RANBP2: variants seen among roughly 807,000 people sequenced by gnomAD.
The protein encoded by RANBP2 is E3 SUMO-protein ligase RanBP2.
Under a neutral mutation model 303.6 loss-of-function variants are expected in RANBP2, and 57 were observed. The ratio of observed to expected loss-of-function variants is 0.19; its 90% CI spans 0.15 to 0.23. The LOEUF (loss-of-function observed/expected upper bound fraction) is 0.23, where lower values mean the gene tolerates loss of function less well. Ranked by LOEUF, RANBP2 falls within the 10% of genes least tolerant of loss-of-function variation. The pLI, the probability that RANBP2 is intolerant of heterozygous loss-of-function variation, is 1.00. For missense variants in RANBP2, 3,138 were observed against 3,780.8 expected (o/e 0.83, Z 4.46); for synonymous variants, 1,167 against 1,301.5 (o/e 0.90, Z 2.23).
At chr2:109,049,957 G>T in the RANBP2 span, among the ~76,000 whole-genome samples, 1 of 152,152 alleles carries the variant, frequency 6.6e-6, no homozygotes, top group Non-Finnish European at 1.5e-5. Flanking sequence ...TCAGCTGCTG[G>T]CTGTGTCCAC....
the RANBP2 span, among the ~76,000 whole-genome samples, chr2:109,346,304 G>C: frequency 6.6e-6 from 1 of 152,154 alleles, no homozygotes; most frequent in East Asian, 1.9e-4. Flanking sequence ...GTTTGACGTT[G>C]CTGAAACATA....
At chr2:109,584,638 T>C in the RANBP2 span, among the ~76,000 whole-genome samples, 2,576 of 152,138 alleles carry the variant, frequency 0.017, 34 homozygotes, top group Non-Finnish European at 0.03. Context: ...TTAAAACAAA[T>C]AGAGACACAA....
At chr2:109,580,558 C>T in the RANBP2 span, among the ~76,000 whole-genome samples, 1 of 151,938 alleles carries the variant, frequency 6.6e-6, no homozygotes, top group South Asian at 2.1e-4. Context: ...GGGATGGTGC[C>T]CACTACCATC....
the RANBP2 span, among the ~76,000 whole-genome samples, chr2:109,287,873 CT>C: frequency 1.3e-5 from 2 of 152,252 alleles, no homozygotes. Context: ...TATAGTTTTT[CT>C]TTTGCTAACT....
intron 7 of RANBP2, among the ~76,000 whole-genome samples, chr2:108,741,740 C>G (rs1696112640): frequency 6.8e-6 from 1 of 147,210 alleles, no homozygotes; most frequent in South Asian, 2.2e-4. Context: ...TCTCAATCTC[C>G]TGACCTAGTC....
chr2:109,617,482 CTGTT>C, the RANBP2 span: 5 of 167,172 alleles, frequency 3.0e-5, no homozygotes, highest in South Asian at 4.1e-4. Context: ...CATATTAAAT[CTGTT>C]TGTTATAAGA....
At chr2:109,382,146 G>A in the RANBP2 span, among the ~76,000 whole-genome samples, 1 of 152,220 alleles carries the variant, frequency 6.6e-6, no homozygotes, top group Non-Finnish European at 1.5e-5. Flanking sequence ...AGAGGGGTCT[G>A]ATAGCACCTA....
chr2:109,619,601 G>A, the RANBP2 span, among the ~76,000 whole-genome samples: 2 of 151,940 alleles, frequency 1.3e-5, no homozygotes, highest in African/African-American at 2.4e-5. Flanking sequence ...TGGCTGCTGG[G>A]GTTATTCTTG....
the RANBP2 span, among the ~76,000 whole-genome samples, chr2:109,573,117 G>A: frequency 6.6e-6 from 1 of 152,026 alleles, no homozygotes; most frequent in Non-Finnish European, 1.5e-5. Context: ...CTATTTACAT[G>A]GATCAATTTA....
At chr2:109,129,568 G>GC in the RANBP2 span, 1 of 1,487,138 alleles carries the variant, frequency 6.7e-7, no homozygotes. Flanking sequence ...CTGGCTGTGC[G>GC]CATCCAAGGC....
At chr2:109,331,226 G>A in the RANBP2 span, among the ~76,000 whole-genome samples, 30 of 152,122 alleles carry the variant, frequency 2.0e-4, no homozygotes, top group Non-Finnish European at 3.4e-4. Flanking sequence ...GAAATTTCCT[G>A]ATATTGTGTA....
chr2:108,855,327 T>G, the RANBP2 span, among the ~76,000 whole-genome samples: 1 of 152,262 alleles, frequency 6.6e-6, no homozygotes, highest in African/African-American at 2.4e-5. Flanking sequence ...CAGCCTATTT[T>G]TAAAAACTGT....
At chr2:109,284,814 CAT>C in the RANBP2 span, among the ~76,000 whole-genome samples, 4,450 of 152,164 alleles carry the variant, frequency 0.029, 219 homozygotes, top group African/African-American at 0.1. Flanking sequence ...TGTCAGATGA[CAT>C]GTGTGTGGGG....
At chr2:109,277,038 G>A in the RANBP2 span, among the ~76,000 whole-genome samples, 1 of 152,126 alleles carries the variant, frequency 6.6e-6, no homozygotes, top group Admixed American at 6.6e-5. Flanking sequence ...CTGTCAAATG[G>A]CAGGCACCAT....
chr2:108,777,616 C>T (rs1006782029), intron 25 of RANBP2, among the ~76,000 whole-genome samples: 1 of 151,942 alleles, frequency 6.6e-6, no homozygotes, highest in Non-Finnish European at 1.5e-5. Context: ...TTTGTACTAT[C>T]TTTGGATTTC....
chr2:108,860,992 T>C, the RANBP2 span, among the ~76,000 whole-genome samples: 3 of 147,454 alleles, frequency 2.0e-5, no homozygotes, highest in Non-Finnish European at 4.5e-5. Context: ...TTTGATTCAG[T>C]TTTGGAGCTC....
chr2:109,569,894 T>C, the RANBP2 span, among the ~76,000 whole-genome samples: 1 of 152,088 alleles, frequency 6.6e-6, no homozygotes, highest in Non-Finnish European at 1.5e-5. Context: ...GTTCTGCTTT[T>C]TAGTAACAGA....
chr2:109,151,822 T>C, the RANBP2 span, among the ~76,000 whole-genome samples: 1 of 152,236 alleles, frequency 6.6e-6, no homozygotes, highest in Admixed American at 6.5e-5. Flanking sequence ...ATCTGCAAAT[T>C]GTGGTTTATA....
At chr2:109,032,662 A>G in the RANBP2 span, among the ~76,000 whole-genome samples, 1 of 152,148 alleles carries the variant, frequency 6.6e-6, no homozygotes, top group African/African-American at 2.4e-5. Flanking sequence ...CTGGGATTTC[A>G]CAGTCGGGCC....
Sources: allele counts gnomAD v4.1 joint callset (sites outside exome capture counted in the v4.1 genomes callset), GRCh38; gene constraint gnomAD v4.1.1; transcripts MANE v1.5; gene names NCBI Gene and HGNC (gene_info 2026-07-23, HGNC 2026-07-21).